KCTD20: variants seen among roughly 807,000 people sequenced by gnomAD.
KCTD20 encodes potassium channel tetramerization domain containing 20.
In KCTD20, 30 loss-of-function variants were observed where a neutral mutation model predicts 39.6. The observed-to-expected ratio is 0.76, with a 90% CI of 0.57 to 1.03. The LOEUF (loss-of-function observed/expected upper bound fraction) is 1.03. Ranked by LOEUF, KCTD20 falls within the 50% of genes least tolerant of loss-of-function variation. The probability of loss-of-function intolerance (pLI) is 0.00; values close to 1 mark genes in which losing one functional copy is unlikely to be tolerated. For synonymous variants in KCTD20, 162 were observed against 180.6 expected (o/e 0.90, Z 0.83); for missense variants, 422 against 522.0 (o/e 0.81, Z 1.87).
intron 5 of KCTD20, among the ~76,000 whole-genome samples, chr6:36,480,433 T>A (rs941495518): frequency 6.3e-5 from 9 of 143,034 alleles, no homozygotes; most frequent in East Asian, 2.0e-4. Flanking sequence ...TTTTTTTTTT[T>A]AATTTGAGAT....
At chr6:36,456,810 A>G (rs889080097) in intron 1 of KCTD20, among the ~76,000 whole-genome samples, 9 of 151,992 alleles carry the variant, frequency 5.9e-5, no homozygotes, top group Non-Finnish European at 1.3e-4. Context: ...AGCTGGGACT[A>G]CAGGTGTGCA....
chr6:36,452,999 C>CTTTTTTTTTTT (rs59865602), intron 1 of KCTD20, among the ~76,000 whole-genome samples: 12 of 58,142 alleles, frequency 2.1e-4, no homozygotes, highest in Non-Finnish European at 2.5e-4. Context: ...GTTTTCTTAG[C>CTTTTTTTTTTT]TTTTTTTTTT....
chr6:36,483,642 T>C (rs1173442134), intron 6 of KCTD20, among the ~76,000 whole-genome samples: 2 of 152,066 alleles, frequency 1.3e-5, no homozygotes, highest in South Asian at 2.1e-4. Context: ...AGCCTCCAAG[T>C]AGCCTGGGCT....
At chr6:36,446,974 A>G (rs765444058) in intron 1 of KCTD20, among the ~76,000 whole-genome samples, 4 of 152,344 alleles carry the variant, frequency 2.6e-5, no homozygotes, top group Non-Finnish European at 5.9e-5. Flanking sequence ...AAAGACTCTA[A>G]GACACAAGAG....
chr6:36,456,556 G>C (rs1007567201), intron 1 of KCTD20, among the ~76,000 whole-genome samples: 1 of 150,450 alleles, frequency 6.6e-6, no homozygotes, highest in African/African-American at 2.4e-5. Context: ...TGGGATTACA[G>C]GCCTGAGCCA....
rs1367809292 is a variant in KCTD20 at position 36,489,791 on chromosome 6, G to A, written c.*2616G>A. 6.6e-6 allele frequency: 1 copy of A among 152,196 alleles called. No individual in the cohort carries two copies. The highest frequency in any genetic ancestry group is 1.5e-5 in the Non-Finnish European group (1 of 68,038). The allele number at this position is 152,196 out of a possible 1,614,324, so 9.4% of individuals were successfully genotyped here. Reference sequence around the variant, plus strand: ...ATATTTTAGCCAGAGAAATCGGCAAGCCAAGATTAACCCGAATCTGAAGTT... The same window carrying A: ...ATATTTTAGCCAGAGAAATCGGCAAACCAAGATTAACCCGAATCTGAAGTT... On this transcript the variant is annotated 3_prime_UTR_variant, in exon 8 of 8. Coordinates refer to ENST00000373731, the MANE Select transcript of KCTD20 (RefSeq NM_173562.5).
intron 3 of KCTD20, 23 bp downstream of exon 3, chr6:36,475,085 C>A: frequency 6.2e-7 from 1 of 1,601,302 alleles, no homozygotes; most frequent in Non-Finnish European, 8.5e-7. Context: ...AATTTTCTTC[C>A]AAATTCATTC....
At position 36,474,067 on chromosome 6, in the gene KCTD20, TTTTG is replaced by T. The variant is rs201298032; in HGVS notation, c.161-718_161-715del. Among the ~76,000 whole-genome samples, 882 of 151,820 alleles carry T rather than the reference TTTTG, an allele frequency of 5.8e-3. 7 individuals are homozygous for T. Among genetic ancestry groups the T allele is most frequent in the African/African-American group, 0.02 (827 of 41,216 alleles). The stretch of plus-strand genomic sequence containing the variant: ...TTCTGAAAAATAAAATTTTGTTTTG[TTTTG>T]TTTTTGTTTTGTTTTGTTTTATTAT... On this transcript the variant is annotated intron_variant, in intron 2 of 7. Transcript: ENST00000373731.
Position 36,487,736 on chromosome 6 carries a change from T to C in KCTD20, c.*561T>C, listed in dbSNP as rs1776469985. 1 of 152,582 alleles carries C rather than the reference T, an allele frequency of 6.6e-6. No homozygotes were observed. Among genetic ancestry groups the C allele is most frequent in the Non-Finnish European group, 1.5e-5 (1 of 68,138 alleles). 9.5% of individuals were successfully genotyped at this position (152,582 alleles called of 1,614,324 possible). A position where few individuals can be genotyped will look rare whatever the true frequency, so the allele number is the denominator to read the frequency against. On this transcript the variant is annotated 3_prime_UTR_variant, in exon 8 of 8. Transcript: ENST00000373731. ...TCATTCAGAATGTCCAAAAGGAAAT[T>C]CTTAAGAGCTTAAATTCAGATTTGT...
At chr6:36,472,450 C>T (rs961954569) in intron 2 of KCTD20, among the ~76,000 whole-genome samples, 1 of 151,930 alleles carries the variant, frequency 6.6e-6, no homozygotes, top group Non-Finnish European at 1.5e-5. Context: ...GACTAATTTC[C>T]CAGAGGTCAT....
chr6:36,468,643 G>C (rs893020769), intron 1 of KCTD20, among the ~76,000 whole-genome samples: 38 of 152,318 alleles, frequency 2.5e-4, no homozygotes, highest in African/African-American at 8.4e-4. Context: ...TGGTGGTTCT[G>C]TTTGACTTTA....
chr6:36,453,522 T>G (rs1775333214), intron 1 of KCTD20, among the ~76,000 whole-genome samples: 1 of 151,472 alleles, frequency 6.6e-6, no homozygotes, highest in African/African-American at 2.4e-5. Flanking sequence ...TTTTTGTTTT[T>G]TTTTTTTTTG....
chr6:36,472,539 CT>C (rs68066245), intron 2 of KCTD20, among the ~76,000 whole-genome samples: 12 of 148,242 alleles, frequency 8.1e-5, no homozygotes, highest in Non-Finnish European at 1.2e-4. Flanking sequence ...GTATTGATAA[CT>C]TTTTTTTTTT....
chr6:36,447,037 G>T (rs1244909432), intron 1 of KCTD20, among the ~76,000 whole-genome samples: 4 of 152,194 alleles, frequency 2.6e-5, no homozygotes, highest in African/African-American at 9.7e-5. Context: ...CTGTAGTAAA[G>T]TAAGTCCATT....
intron 1 of KCTD20, among the ~76,000 whole-genome samples, chr6:36,447,572 G>A (rs1582293308): frequency 6.6e-6 from 1 of 151,990 alleles, no homozygotes; most frequent in Admixed American, 6.6e-5. Flanking sequence ...AGAGATTTCA[G>A]TGAGCCAAGA....
intron 5 of KCTD20, 67 bp downstream of exon 5, chr6:36,479,778 GATTTTT>G: frequency 4.7e-5 from 18 of 385,666 alleles, no homozygotes; most frequent in Admixed American, 1.1e-4. Context: ...GGAAGTCACC[GATTTTT>G]TTTTTTTTTT....
intron 1 of KCTD20, among the ~76,000 whole-genome samples, chr6:36,459,854 CTCTTT>C (rs1216305475): frequency 6.6e-6 from 1 of 152,336 alleles, no homozygotes; most frequent in African/African-American, 2.4e-5. Context: ...AAGCCTTCAA[CTCTTT>C]TCTTGCTATA....
chr6:36,464,245 GAA>G (rs1225201934), intron 1 of KCTD20, among the ~76,000 whole-genome samples: 3 of 152,174 alleles, frequency 2.0e-5, no homozygotes, highest in Non-Finnish European at 4.4e-5. Flanking sequence ...CAATGTGAAG[GAA>G]AAGATACACT....
intron 1 of KCTD20, chr6:36,451,215 C>T (rs1049815572): frequency 1.3e-5 from 2 of 152,132 alleles, no homozygotes; most frequent in African/African-American, 4.8e-5. Context: ...TAGTTACAAG[C>T]AGTTTTTAAG....
Sources: gnomAD v4.1 joint callset for allele counts (sites outside exome capture counted in the v4.1 genomes callset) on GRCh38, gnomAD v4.1.1 for gene constraint, MANE v1.5 for transcripts, NCBI Gene and HGNC (gene_info 2026-07-23, HGNC 2026-07-21) for gene names.